Variants in DNAI1 observed in about 807,000 individuals in gnomAD.
DNAI1 encodes the protein dynein, axonemal, intermediate polypeptide 1.
Under a neutral mutation model 92.0 loss-of-function variants are expected in DNAI1, and 67 were observed. That is an observed-to-expected ratio of 0.73 (90% confidence interval 0.60 to 0.89). The LOEUF (loss-of-function observed/expected upper bound fraction) is 0.89, where lower values mean the gene tolerates loss of function less well. DNAI1 is among the 40% of genes least tolerant of loss of function. The pLI is 0.00. For synonymous variants in DNAI1, 323 were observed against 319.6 expected (o/e 1.01, Z -0.11); for missense variants, 839 against 866.6 (o/e 0.97, Z 0.40).
rs72735257 is a variant in DNAI1 at position 34,517,034 on chromosome 9, C to T, written c.1819-251C>T. ...GGGATTACAGGCGTCAGTGAGCCAC[C>T]ACGCCCAGCCTATAGCTGCTATTAT... On this transcript the variant is annotated intron_variant, in intron 18 of 19. Coordinates refer to ENST00000242317, the MANE Select transcript of DNAI1 (RefSeq NM_012144.4). 0.048 allele frequency among the ~76,000 whole-genome samples: 7,313 copies of T among 152,238 alleles called. 250 individuals are homozygous for T. Among genetic ancestry groups the T allele is most frequent in the Non-Finnish European group, 0.063 (4,305 of 68,008 alleles).
At chr9:34,463,307 AC>A (rs1823982692) in intron 1 of DNAI1, among the ~76,000 whole-genome samples, 1 of 152,122 alleles carries the variant, frequency 6.6e-6, no homozygotes, top group South Asian at 2.1e-4. Flanking sequence ...TCAAAGAGGT[AC>A]CTTCCCCTAC....
chr9:34,464,190 G>A (rs1434442337), intron 1 of DNAI1, among the ~76,000 whole-genome samples: 2 of 151,810 alleles, frequency 1.3e-5, no homozygotes, highest in African/African-American at 4.8e-5. Context: ...TCATTCACTC[G>A]TGCCCTTTCC....
intron 1 of DNAI1, among the ~76,000 whole-genome samples, chr9:34,467,635 A>AAAATAAAT (rs140292116): frequency 6.6e-6 from 1 of 151,322 alleles, no homozygotes; most frequent in East Asian, 2.0e-4. Flanking sequence ...ACCTGTCTCT[A>AAAATAAAT]AAATAAATAA....
chr9:34,506,788 G>T lies in DNAI1; in HGVS notation c.1225G>T (p.Ala409Ser). 3.1e-6 allele frequency: 5 copies of T among 1,614,156 alleles called. No individual in the cohort carries two copies. Among genetic ancestry groups the T allele is most frequent in the Non-Finnish European group, 4.2e-6 (5 of 1,180,036 alleles). The change falls in exon 13 of 20, where the codon GCC becomes TCC. Residue 409 changes from alanine (A) to serine (S), a missense_variant. Physicochemically the swap from Ala to Ser is moderately conservative, Grantham distance 99 (BLOSUM62 1). Coordinates refer to ENST00000242317, the MANE Select transcript of DNAI1 (RefSeq NM_012144.4). Reference protein sequence around the residue: ...VAVGHYDGNVAIYNLKKPHSQ... With the variant: ...VAVGHYDGNVSIYNLKKPHSQ... ...AGTAGGCCACTATGACGGCAACGTGGCCATTTACAACCTCAAGAAGCCCCA... is the reference window on the plus strand; with the variant it reads ...AGTAGGCCACTATGACGGCAACGTGTCCATTTACAACCTCAAGAAGCCCCA...
chr9:34,468,670 T>A (rs1186280233), intron 1 of DNAI1, among the ~76,000 whole-genome samples: 2 of 151,484 alleles, frequency 1.3e-5, no homozygotes, highest in Non-Finnish European at 2.9e-5. Flanking sequence ...CTACAAAAAA[T>A]TTAAAAATTA....
At chr9:34,481,426 G>A (rs998142732) in intron 1 of DNAI1, among the ~76,000 whole-genome samples, 2 of 152,156 alleles carry the variant, frequency 1.3e-5, no homozygotes, top group African/African-American at 4.8e-5. Flanking sequence ...TCAGATATAG[G>A]ACCTGTCTGG....
intron 12 of DNAI1, among the ~76,000 whole-genome samples, chr9:34,502,881 A>G (rs754742027): frequency 6.6e-5 from 10 of 152,130 alleles, no homozygotes; most frequent in Non-Finnish European, 1.2e-4. Context: ...AAAGGCTGAC[A>G]ACCTGCCAGG....
intron 13 of DNAI1, among the ~76,000 whole-genome samples, chr9:34,507,487 G>T (rs1211683464): frequency 6.6e-6 from 1 of 152,208 alleles, no homozygotes; most frequent in Non-Finnish European, 1.5e-5. Flanking sequence ...TCATCACAAA[G>T]GTCTTCATCC....
rs1824482416 is a variant in DNAI1 at position 34,486,772 on chromosome 9, C to T, written c.261+1255C>T. Among the ~76,000 whole-genome samples the T allele has an allele frequency of 2.0e-5, 3 of 152,170 alleles. No individual in the cohort carries two copies. In the South Asian group the frequency reaches 6.2e-4, roughly 32 times the overall value. The stretch of plus-strand genomic sequence containing the variant: ...GAAACCCCAAGCCACTTAGCTGTTC[C>T]CCCTCAGTCTTCCATCCCTTCCAGC... On this transcript the variant is annotated intron_variant, in intron 4 of 19. Transcript: ENST00000242317.
chr9:34,477,920 CTCTCTTTTT>C (rs1824268588), intron 1 of DNAI1, among the ~76,000 whole-genome samples: 1 of 75,936 alleles, frequency 1.3e-5, no homozygotes, highest in Non-Finnish European at 2.5e-5. Context: ...CTCTCTCTCT[CTCTCTTTTT>C]TTTTTTTTTT....
chr9:34,463,135 A>G (rs1823979245), intron 1 of DNAI1, among the ~76,000 whole-genome samples: 3 of 151,892 alleles, frequency 2.0e-5, no homozygotes. Flanking sequence ...GAAATGAAAG[A>G]GCTATGCAAT....
At chr9:34,464,661 C>T (rs1472520698) in intron 1 of DNAI1, among the ~76,000 whole-genome samples, 1 of 152,166 alleles carries the variant, frequency 6.6e-6, no homozygotes, top group East Asian at 1.9e-4. Context: ...TATTGTATGT[C>T]TCCCCCATTA....
chr9:34,472,670 G>A (rs2132045979), intron 1 of DNAI1, among the ~76,000 whole-genome samples: 1 of 152,296 alleles, frequency 6.6e-6, no homozygotes, highest in East Asian at 1.9e-4. Context: ...GGGAGGCTGA[G>A]GCAGAAGGAT....
At chr9:34,520,634 C>T in intron 19 of DNAI1, 24 bp from the exon 20 acceptor site, 1 of 1,549,198 alleles carries the variant, frequency 6.5e-7, no homozygotes. Context: ...ATTCCTCCCT[C>T]ATGTATACTT....
At chr9:34,496,435 C>A (rs1824726813) in intron 9 of DNAI1, among the ~76,000 whole-genome samples, 1 of 152,230 alleles carries the variant, frequency 6.6e-6, no homozygotes, top group Admixed American at 6.5e-5. Flanking sequence ...GTCAACCTGC[C>A]AAGCACCTCA....
chr9:34,513,014 T>G, intron 15 of DNAI1, 98 bp from the exon 16 acceptor site: 1 of 975,476 alleles, frequency 1.0e-6, no homozygotes, highest in Non-Finnish European at 1.7e-6. Flanking sequence ...AGTCCTGCGC[T>G]GAGAGTGCCT....
intron 13 of DNAI1, among the ~76,000 whole-genome samples, chr9:34,509,709 G>C (rs142134893): frequency 1.3e-5 from 2 of 152,236 alleles, no homozygotes; most frequent in Non-Finnish European, 2.9e-5. Flanking sequence ...GAGAAGACAG[G>C]GTTGAGAGCT....
chr9:34,517,120 G>C (rs1355996712), intron 18 of DNAI1, among the ~76,000 whole-genome samples, 165 bp from the exon 19 acceptor site: 4 of 152,170 alleles, frequency 2.6e-5, no homozygotes, highest in Middle Eastern at 6.8e-3. Flanking sequence ...TTCAACCATA[G>C]GAAAAACACA....
intron 13 of DNAI1, among the ~76,000 whole-genome samples, chr9:34,509,420 G>T (rs1025268086): frequency 6.6e-6 from 1 of 152,160 alleles, no homozygotes; most frequent in African/African-American, 2.4e-5. Flanking sequence ...TCATGCAGAA[G>T]CCCATATTAA....
Sources: gnomAD v4.1 joint callset for allele counts (sites outside exome capture counted in the v4.1 genomes callset) on GRCh38, gnomAD v4.1.1 for gene constraint, MANE v1.5 for transcripts, NCBI Gene and HGNC (gene_info 2026-07-23, HGNC 2026-07-21) for gene names.